The following RFC2 variants were observed in gnomAD, a reference collection of about 807,000 sequenced individuals.
RFC2 encodes the protein A1 40 kDa subunit.
RFC2 carries 34 observed loss-of-function variants against 44.8 expected under a neutral mutation model. The ratio of observed to expected loss-of-function variants is 0.76; its 90% confidence interval spans 0.58 to 1.01. The LOEUF is 1.01. RFC2 is among the 50% of genes least tolerant of loss of function. The pLI, the probability that RFC2 is intolerant of heterozygous loss-of-function variation, is 0.00. For missense variants in RFC2, 400 were observed against 453.6 expected, an observed-to-expected ratio of 0.88 and a Z score of 1.07; for synonymous variants, 177 against 168.9, an observed-to-expected ratio of 1.05 and a Z score of -0.37.
At chr7:74,245,858 C>T (rs1379174424) in intron 5 of RFC2, among the ~76,000 whole-genome samples, 3 of 151,588 alleles carry the variant, frequency 2.0e-5, no homozygotes, top group Non-Finnish European at 1.5e-5. Flanking sequence ...GTCAGGAGTT[C>T]GAGACCAGCC....
At chr7:74,237,142 G>C (rs1018098187) in intron 9 of RFC2, 1 of 402,898 alleles carries the variant, frequency 2.5e-6, no homozygotes, top group African/African-American at 2.0e-5. Context: ...CTGAGACAGG[G>C]TCTCACCATC....
intron 4 of RFC2, among the ~76,000 whole-genome samples, chr7:74,247,732 T>C (rs1803702502): frequency 6.6e-6 from 1 of 152,256 alleles, no homozygotes; most frequent in African/African-American, 2.4e-5. Flanking sequence ...GATGGTGAAA[T>C]TGATCAATAA....
rs782488263 is a variant in RFC2 at position 74,239,946 on chromosome 7, T to G, written c.685A>C (p.Met229Leu). ...GGTAGCAGCCCACATACCTGCCTCA[T>G]GTCTCCCTGGGCCGTGAAGATGATG... Reference protein sequence around the residue: ...EAIIFTAQGDMRQALNNLQST... With the variant: ...EAIIFTAQGDLRQALNNLQST... Residue 229 changes from methionine (M) to leucine (L), a missense_variant, in exon 7 of 11, where the codon ATG becomes CTG. Coordinates refer to ENST00000055077, the MANE Select transcript of RFC2 (RefSeq NM_181471.3). 1 of 1,605,478 alleles carries G rather than the reference T, an allele frequency of 6.2e-7. No individual in the cohort carries two copies.
At chr7:74,249,338 C>T in intron 3 of RFC2, 2 of 662,578 alleles carry the variant, frequency 3.0e-6, no homozygotes, top group Non-Finnish European at 2.5e-6. Flanking sequence ...GTCAGGAGTT[C>T]AAGACCAGAC....
chr7:74,240,423 G>A (rs1554719100), intron 6 of RFC2, among the ~76,000 whole-genome samples: 1 of 150,516 alleles, frequency 6.6e-6, no homozygotes, highest in Non-Finnish European at 1.5e-5. Context: ...ACTCGCTTGA[G>A]CACGAGAGTT....
chr7:74,235,115 C>A (rs1283550848), intron 10 of RFC2, among the ~76,000 whole-genome samples: 1 of 152,164 alleles, frequency 6.6e-6, no homozygotes, highest in Non-Finnish European at 1.5e-5. Context: ...TGGCTCACTG[C>A]AACCTCCACC....
intron 5 of RFC2, among the ~76,000 whole-genome samples, chr7:74,245,429 T>G (rs1445475593): frequency 1.3e-5 from 2 of 151,052 alleles, no homozygotes; most frequent in Non-Finnish European, 2.9e-5. Flanking sequence ...TGGTAAATTT[T>G]GGGCCGGGCG....
At chr7:74,246,272 G>A (rs1218948698) in intron 5 of RFC2, among the ~76,000 whole-genome samples, 1 of 151,904 alleles carries the variant, frequency 6.6e-6, no homozygotes, top group African/African-American at 2.4e-5. Flanking sequence ...GGCGGCAGAT[G>A]CCTGTAGTCC....
chr7:74,232,191 A>G lies in RFC2; in HGVS notation c.980T>C (p.Ile327Thr), dbSNP rs777346846. The part of the protein sequence containing the change: ...IKEIGYTHMK[I>T]AEGVNSLLQM... ...CAAAAGAGAGTTCACTCCTTCCGCT[A>G]TTTTCATGTGAGTGTATCCAATTTC... Residue 327 changes from isoleucine (I) to threonine (T), a missense_variant, in exon 11 of 11, where the codon ATA (isoleucine) becomes ACA (threonine). Transcript: ENST00000055077. 1.2e-6 allele frequency: 2 copies of G among 1,611,524 alleles called. No homozygotes were observed. The highest frequency in any genetic ancestry group is 1.1e-5 in the South Asian group (1 of 91,034).
intron 6 of RFC2, 105 bp from the exon 7 acceptor site, chr7:74,240,200 G>T: frequency 9.9e-7 from 1 of 1,011,948 alleles, no homozygotes; most frequent in Non-Finnish European, 1.5e-6. Context: ...ACAGCCCCAG[G>T]CACTCAATAG....
At position 74,246,865 on chromosome 7, in the gene RFC2, T is replaced by C. The variant is rs149765407; in HGVS notation, c.333-102A>G. The C allele has an allele frequency of 2.6e-5, 16 of 615,934 alleles. No individual in the cohort carries two copies. The East Asian group carries it at 4.9e-4, about 19-fold the overall frequency. 38.2% of individuals were successfully genotyped at this position (615,934 alleles called of 1,614,324 possible). A position where few individuals can be genotyped will look rare whatever the true frequency, so the allele number is the denominator to read the frequency against. On this transcript the variant is annotated intron_variant, in intron 4 of 10. Transcript: ENST00000055077. The stretch of plus-strand genomic sequence containing the variant: ...GTATATCAGGGACTGTGAGGCCCAA[T>C]TTCCATTTTTGAGTTTTTTTGGGGG...
At chr7:74,232,323 G>GT in intron 10 of RFC2, 107 bp from the exon 11 acceptor site, 2 of 658,776 alleles carry the variant, frequency 3.0e-6, no homozygotes, top group South Asian at 3.7e-5. Flanking sequence ...TGAACTAATG[G>GT]TTTTTTCAAA....
rs1187021062 is a variant in RFC2 at position 74,248,918 on chromosome 7, C to T, written c.332+94G>A. The T allele has an allele frequency of 5.9e-6, 5 of 848,400 alleles. No individual in the cohort carries two copies. The East Asian group carries it at 9.8e-5, about 17-fold the overall frequency. The allele number at this position is 848,400 out of a possible 1,614,324, so 52.6% of individuals were successfully genotyped here. On this transcript the variant is annotated intron_variant, in intron 4 of 10. Coordinates refer to ENST00000055077, the MANE Select transcript of RFC2 (RefSeq NM_181471.3). ...GGAGGAAATCACATAGCTGGCAAGG[C>T]TTCGCATACAACCCAATGCTGAGAA...
At chr7:74,243,551 CAGG>C (rs1412949389) in intron 5 of RFC2, among the ~76,000 whole-genome samples, 1 of 151,992 alleles carries the variant, frequency 6.6e-6, no homozygotes, top group Non-Finnish European at 1.5e-5. Context: ...GACACAAATT[CAGG>C]AGAACAATCA....
At chr7:74,252,332 G>A (rs1196843397) in intron 2 of RFC2, 97 bp downstream of exon 2, 8 of 674,942 alleles carry the variant, frequency 1.2e-5, no homozygotes, top group South Asian at 4.6e-5. Context: ...GCATGAACCC[G>A]GGAGGCGGAG....
At chr7:74,247,859 C>G (rs1554720321) in intron 4 of RFC2, among the ~76,000 whole-genome samples, 3 of 152,188 alleles carry the variant, frequency 2.0e-5, no homozygotes, top group African/African-American at 7.2e-5. Flanking sequence ...GGGACTGGTG[C>G]TAGGCCCTTC....
In RFC2 at chr7:74,234,124, A is replaced by G. The variant is rs542155140; in HGVS notation, c.954+1408T>C. On this transcript the variant is annotated intron_variant, in intron 10 of 10. Transcript: ENST00000055077. ...CAGGATGGATTACTTCTCAGTGATA[A>G]CACGGACTGACTCATGGATAGAAGT... is the stretch of plus-strand genomic sequence containing the variant. Among the ~76,000 whole-genome samples the G allele has an allele frequency of 2.6e-5, 4 of 152,326 alleles. No individual in the cohort carries two copies. The South Asian group carries it at 8.3e-4, about 32-fold the overall frequency.
intron 6 of RFC2, among the ~76,000 whole-genome samples, chr7:74,242,749 T>TAAA (rs71094767): frequency 2.8e-5 from 3 of 105,642 alleles, no homozygotes; most frequent in African/African-American, 3.7e-5. Flanking sequence ...CCCCATCTCT[T>TAAA]AAAAAAAAAA....
rs139127548 is a variant in RFC2, at chr7:74,243,159, C to A, written c.522G>T (p.Ser174=). The A allele has an allele frequency of 5.6e-6, 9 of 1,612,348 alleles. No individual in the cohort carries two copies. The highest frequency in any genetic ancestry group is 7.6e-6 in the Non-Finnish European group (9 of 1,178,456). Reference sequence around the variant, plus strand: ...GCTCCCACTCACCGATGATCTTATCCGAAGCATTACAAGCAAGGGCGAAGC... The same window carrying A: ...GCTCCCACTCACCGATGATCTTATCAGAAGCATTACAAGCAAGGGCGAAGC... The part of the protein sequence containing the change: ...TTRFALACNA[S]DKIIEPIQSR... The change falls in exon 6 of 11, where the codon TCG becomes TCT. Residue 174 remains serine (S), a synonymous_variant. Transcript: ENST00000055077.
Sources: gnomAD v4.1 joint callset for allele counts (sites outside exome capture counted in the v4.1 genomes callset) on GRCh38, gnomAD v4.1.1 for gene constraint, MANE v1.5 for transcripts, NCBI Gene and HGNC (gene_info 2026-07-23, HGNC 2026-07-21) for gene names.